DIAPH3: variants seen among roughly 807,000 people sequenced by gnomAD.
DIAPH3 encodes the protein protein diaphanous homolog 3.
Under a neutral mutation model 144.3 loss-of-function variants are expected in DIAPH3, and 117 were observed. The observed-to-expected ratio is 0.81, with a 90% CI of 0.70 to 0.95. The LOEUF (loss-of-function observed/expected upper bound fraction) is 0.95. Ranked by LOEUF, DIAPH3 falls within the 40% of genes least tolerant of loss-of-function variation. The probability of loss-of-function intolerance (pLI) is 0.00; values close to 1 mark genes in which losing one functional copy is unlikely to be tolerated. For synonymous variants in DIAPH3, 519 were observed against 488.9 expected, an observed-to-expected ratio of 1.06 and a Z score of -0.81; for missense variants, 1,421 against 1,412.7, an observed-to-expected ratio of 1.01 and a Z score of -0.09.
chr13:60,098,188 G>A (rs1208936770), intron 3 of DIAPH3, among the ~76,000 whole-genome samples: 1 of 152,068 alleles, frequency 6.6e-6, no homozygotes. Context: ...TAAAAGCAGA[G>A]CCTGAAACAG....
chr13:59,803,297 A>C (rs945092606), intron 25 of DIAPH3, among the ~76,000 whole-genome samples: 5 of 152,174 alleles, frequency 3.3e-5, no homozygotes, highest in African/African-American at 4.8e-5. Flanking sequence ...TTCTTTGGTA[A>C]AATTCTTAGA....
At chr13:59,911,937 C>A in intron 19 of DIAPH3, 101 bp from the exon 20 acceptor site, 2 of 973,084 alleles carry the variant, frequency 2.1e-6, no homozygotes, top group South Asian at 3.0e-5. Flanking sequence ...TGAAGTTAAT[C>A]TTCAGTTTTA....
At chr13:60,070,546 A>G (rs2057164757) in intron 4 of DIAPH3, among the ~76,000 whole-genome samples, 2 of 152,168 alleles carry the variant, frequency 1.3e-5, no homozygotes, top group South Asian at 4.1e-4. Flanking sequence ...CAACATCCAG[A>G]AAGAGGCCAA....
chr13:59,892,574 A>G (rs2045873466), intron 20 of DIAPH3, among the ~76,000 whole-genome samples: 1 of 152,010 alleles, frequency 6.6e-6, no homozygotes, highest in African/African-American at 2.4e-5. Context: ...TTAAAAAATA[A>G]AAAGACTTAA....
At chr13:60,105,110 A>AACAAAAAAC (rs1292756812) in intron 3 of DIAPH3, among the ~76,000 whole-genome samples, 1 of 149,400 alleles carries the variant, frequency 6.7e-6, no homozygotes, top group African/African-American at 2.5e-5. Context: ...AAAAAAAAAA[A>AACAAAAAAC]AAAAAAAAAA....
At chr13:59,704,803 C>G (rs367950733) in intron 27 of DIAPH3, among the ~76,000 whole-genome samples, 1 of 152,126 alleles carries the variant, frequency 6.6e-6, no homozygotes, top group African/African-American at 2.4e-5. Context: ...CTATTATGTT[C>G]GCATGACAAC....
intron 27 of DIAPH3, among the ~76,000 whole-genome samples, chr13:59,710,243 A>T (rs563540882): frequency 4.8e-5 from 7 of 146,984 alleles, no homozygotes; most frequent in African/African-American, 1.7e-4. Context: ...CTTAAAGTAT[A>T]ATAATAATAA....
intron 13 of DIAPH3, among the ~76,000 whole-genome samples, chr13:59,982,019 C>T (rs1024963181): frequency 2.6e-5 from 4 of 151,338 alleles, no homozygotes; most frequent in African/African-American, 4.8e-5. Flanking sequence ...AAAATTCTTG[C>T]CACAGTATGT....
chr13:59,905,342 C>CAAAAAA (rs59114311), intron 20 of DIAPH3, among the ~76,000 whole-genome samples: 7 of 69,752 alleles, frequency 1.0e-4, no homozygotes, highest in Admixed American at 1.9e-4. Flanking sequence ...GACTCTGTCT[C>CAAAAAA]AAAAAAAAAA....
At chr13:59,968,878 C>G (rs1165003093) in intron 17 of DIAPH3, among the ~76,000 whole-genome samples, 1 of 152,160 alleles carries the variant, frequency 6.6e-6, no homozygotes, top group Non-Finnish European at 1.5e-5. Flanking sequence ...TAACAGTCAA[C>G]ATTTAGGAAG....
intron 21 of DIAPH3, among the ~76,000 whole-genome samples, chr13:59,862,553 GT>G (rs1166088977): frequency 1.3e-5 from 2 of 152,148 alleles, no homozygotes; most frequent in Admixed American, 1.3e-4. Flanking sequence ...AGGTGATGCT[GT>G]TAACTACCAT....
intron 4 of DIAPH3, among the ~76,000 whole-genome samples, chr13:60,079,517 A>G (rs1406297265): frequency 3.3e-5 from 5 of 152,098 alleles, no homozygotes; most frequent in Non-Finnish European, 7.4e-5. Context: ...TAGGTTTAAG[A>G]TAACAAAAAA....
intron 25 of DIAPH3, among the ~76,000 whole-genome samples, chr13:59,797,750 AC>A (rs1372292097): frequency 6.6e-6 from 1 of 152,082 alleles, no homozygotes; most frequent in African/African-American, 2.4e-5. Flanking sequence ...CCATTGCCCT[AC>A]CTGAACCCCA....
chr13:59,790,423 C>G (rs2039265867), intron 25 of DIAPH3, among the ~76,000 whole-genome samples: 1 of 152,198 alleles, frequency 6.6e-6, no homozygotes, highest in Non-Finnish European at 1.5e-5. Context: ...GCCAACCTTG[C>G]ACAAAGTAAT....
chr13:60,139,711 C>T (rs1045215551), intron 1 of DIAPH3, among the ~76,000 whole-genome samples: 5 of 152,210 alleles, frequency 3.3e-5, no homozygotes, highest in Non-Finnish European at 5.9e-5. Context: ...CCCACAGAGG[C>T]TAACCTAACA....
intron 15 of DIAPH3, among the ~76,000 whole-genome samples, chr13:59,971,884 A>G (rs762064130): frequency 6.6e-6 from 1 of 152,136 alleles, no homozygotes; most frequent in Non-Finnish European, 1.5e-5. Context: ...ATCTCCTACT[A>G]GCCTCTTCAG....
At chr13:60,066,784 ATATT>A (rs2056984772) in intron 4 of DIAPH3, among the ~76,000 whole-genome samples, 1 of 152,162 alleles carries the variant, frequency 6.6e-6, no homozygotes. Flanking sequence ...TCTAAAACAG[ATATT>A]TATTTTTTCC....
intron 27 of DIAPH3, among the ~76,000 whole-genome samples, chr13:59,704,334 C>A (rs1473283502): frequency 2.6e-5 from 4 of 152,220 alleles, no homozygotes; most frequent in Non-Finnish European, 4.4e-5. Context: ...TATCTTCCTA[C>A]AGACAGGTAG....
intron 24 of DIAPH3, among the ~76,000 whole-genome samples, chr13:59,817,917 T>C (rs1410125108): frequency 6.6e-6 from 1 of 151,980 alleles, no homozygotes; most frequent in African/African-American, 2.4e-5. Flanking sequence ...TCTCACTCAA[T>C]TTATAAATTT....
Sources: gnomAD v4.1 joint callset for allele counts (sites outside exome capture counted in the v4.1 genomes callset) on GRCh38, gnomAD v4.1.1 for gene constraint, MANE v1.5 for transcripts, NCBI Gene and HGNC (gene_info 2026-07-23, HGNC 2026-07-21) for gene names.